The following FBH1 variants were observed in gnomAD, a reference collection of about 807,000 sequenced individuals.
The protein encoded by FBH1 is DNA 3'-5' helicase 1.
A neutral mutation model predicts 115.5 loss-of-function variants in FBH1; 43 were observed. The observed-to-expected ratio is 0.37, with a 90% CI of 0.29 to 0.48. FBH1 has a LOEUF of 0.48. Among genes scored for constraint, FBH1 ranks in the 20% least tolerant of loss-of-function variants. FBH1 has a pLI of 0.99. For synonymous variants in FBH1, 524 were observed against 507.8 expected (o/e 1.03, Z -0.43); for missense variants, 1,001 against 1,337.3 (o/e 0.75, Z 3.92).
rs1831507580 is a variant in FBH1 at position 5,910,396 on chromosome 10, A to G, written c.1021-542A>G. 1.3e-5 allele frequency among the ~76,000 whole-genome samples: 2 copies of G among 152,328 alleles called. No homozygotes were observed. Among genetic ancestry groups the G allele is most frequent in the South Asian group, 4.1e-4 (2 of 4,828 alleles). ...TGTCTTCACAAAATAAACTTTCCAT[A>G]ATTTCATATTTATTTAACTTACAAT... On this transcript the variant is annotated intron_variant, in intron 5 of 20. Coordinates refer to ENST00000362091, the MANE Select transcript of FBH1 (RefSeq NM_178150.3). The surrounding 1 kb of genome is among the most constrained non-coding windows in gnomAD (Gnocchi z 4.8).
intron 1 of FBH1, among the ~76,000 whole-genome samples, chr10:5,892,733 C>T (rs1479284419): frequency 1.3e-5 from 2 of 152,244 alleles, no homozygotes; most frequent in Admixed American, 1.3e-4. Context: ...TATTCCTTAA[C>T]ATGGTTAATG....
Position 5,906,696 on chromosome 10 carries a change from C to A in FBH1, c.753+64C>A. The A allele has an allele frequency of 1.6e-6, 2 of 1,285,942 alleles. No homozygotes were observed. The highest frequency in any genetic ancestry group is 2.2e-6 in the Non-Finnish European group (2 of 925,586). The allele number at this position is 1,285,942 out of a possible 1,614,324, so 79.7% of individuals were successfully genotyped here. ...AGCACGTAACTTTGCTTAATGCACG[C>A]TTATAATCAGAGGATCTTTTCAGAA... On this transcript the variant is annotated intron_variant, in intron 3 of 20. Transcript: ENST00000362091. The surrounding 1 kb of genome is among the most constrained non-coding windows in gnomAD (Gnocchi z 7.3).
rs897168987 is a variant in FBH1, at chr10:5,890,326, G to A, written c.-20G>A. 1.1e-5 allele frequency: 4 copies of A among 377,270 alleles called. No individual in the cohort carries two copies. The Admixed American group carries it at 1.4e-4, about 13-fold the overall frequency. The allele number at this position is 377,270 out of a possible 1,614,324, so 23.4% of individuals were successfully genotyped here. ...CGGGCCCGGCGGCGGCGGCAGCGGG[G>A]TCCGGGTCCGGAGCGCCACAGTGCG... On this transcript the variant is annotated 5_prime_UTR_variant, in exon 1 of 21. Coordinates refer to ENST00000362091, the MANE Select transcript of FBH1 (RefSeq NM_178150.3).
intron 18 of FBH1, 34 bp from the exon 19 acceptor site, chr10:5,927,401 T>G: frequency 6.6e-7 from 1 of 1,512,370 alleles, no homozygotes. Flanking sequence ...TCTAAGGCTT[T>G]TTAGTTGATT....
In FBH1 at chr10:5,913,131, T is replaced by C. The variant is rs1831710249; in HGVS notation, c.1212-616T>C. 6.6e-6 allele frequency among the ~76,000 whole-genome samples: 1 copy of C among 152,116 alleles called. No individual in the cohort carries two copies. The highest frequency in any genetic ancestry group is 2.4e-5 in the African/African-American group (1 of 41,422). ...GTGTGCCAGCTGAGTCTGACGAGTC[T>C]GACGATGTCCTGTGCCTCTGCTGAT... On this transcript the variant is annotated intron_variant, in intron 6 of 20. Transcript: ENST00000362091. The surrounding 1 kb of genome is among the most constrained non-coding windows in gnomAD (Gnocchi z 4.4).
rs1832407138 is a variant in FBH1 at position 5,923,092 on chromosome 10, A to G, written c.2323-529A>G. ...GAGACGGGGTTTCACCATGTTGGCC[A>G]GGCTGGTCTTGAACTCCTGGCCTCA... On this transcript the variant is annotated intron_variant, in intron 15 of 20. Transcript: ENST00000362091. This position sits in a 1 kb window ranked among gnomAD's most constrained non-coding sequence, Gnocchi z 5.7. 6.6e-6 allele frequency among the ~76,000 whole-genome samples: 1 copy of G among 152,180 alleles called. No individual in the cohort carries two copies. The highest frequency in any genetic ancestry group is 1.5e-5 in the Non-Finnish European group (1 of 68,038).
At position 5,900,311 on chromosome 10, in the gene FBH1, A is replaced by G. The variant is rs1408931965; in HGVS notation, c.2-2709A>G. On this transcript the variant is annotated intron_variant, in intron 1 of 20. Transcript: ENST00000362091. The surrounding 1 kb of genome is among the most constrained non-coding windows in gnomAD (Gnocchi z 4.2). ...TTCTCATCTGTTCCTGATGACACTT[A>G]TCAGACTTAGATGAGATTGGGCGCG... 6.6e-6 allele frequency among the ~76,000 whole-genome samples: 1 copy of G among 152,218 alleles called. No individual in the cohort carries two copies. Among genetic ancestry groups the G allele is most frequent in the Non-Finnish European group, 1.5e-5 (1 of 68,044 alleles).
At chr10:5,929,362 A>G (rs1832838880) in intron 19 of FBH1, 2 of 152,244 alleles carry the variant, frequency 1.3e-5, no homozygotes, top group South Asian at 4.1e-4. Context: ...CTCCTTTGTC[A>G]TTTTTCCTCC....
At chr10:5,890,842 G>C (rs1009504127) in intron 1 of FBH1, among the ~76,000 whole-genome samples, 1 of 152,242 alleles carries the variant, frequency 6.6e-6, no homozygotes, top group Non-Finnish European at 1.5e-5. Flanking sequence ...GGCACGGCGA[G>C]AGCTGGGCAG....
intron 1 of FBH1, among the ~76,000 whole-genome samples, chr10:5,902,463 C>T (rs1843404958): frequency 6.6e-6 from 1 of 152,008 alleles, no homozygotes; most frequent in Non-Finnish European, 1.5e-5. Flanking sequence ...AGATGCCAAA[C>T]CTCAGTATAT....
chr10:5,926,289 T>C (rs766225799), intron 18 of FBH1, among the ~76,000 whole-genome samples: 3 of 152,140 alleles, frequency 2.0e-5, no homozygotes, highest in Non-Finnish European at 4.4e-5. Context: ...AATTTTTGTA[T>C]TTTTAGTAGA....
chr10:5,895,232 A>G lies in FBH1; in HGVS notation c.1+4886A>G, dbSNP rs377389822. 8 of 1,578,872 alleles carry G rather than the reference A, an allele frequency of 5.1e-6. No individual in the cohort carries two copies. In the South Asian group the frequency reaches 5.7e-5, roughly 11 times the overall value. ...CTGACCAGGGCGGTTAGCTGACTCCAAAATTGTCCAGATTAGCAAAACTGC... is the reference window on the plus strand; with the variant it reads ...CTGACCAGGGCGGTTAGCTGACTCCGAAATTGTCCAGATTAGCAAAACTGC... On this transcript the variant is annotated intron_variant, in intron 1 of 20. Coordinates refer to ENST00000362091, the MANE Select transcript of FBH1 (RefSeq NM_178150.3). The surrounding 1 kb of genome is among the most constrained non-coding windows in gnomAD (Gnocchi z 5.0).
intron 15 of FBH1, among the ~76,000 whole-genome samples, chr10:5,922,842 C>G (rs1175025218): frequency 1.3e-5 from 2 of 152,182 alleles, no homozygotes; most frequent in Non-Finnish European, 2.9e-5. Context: ...CCTCCAGGAG[C>G]TGACCTGTTA....
rs754379786 is a variant in FBH1 at position 5,937,223 on chromosome 10, C to T, written c.3075C>T (p.Arg1025=). 5 of 1,613,836 alleles carry T rather than the reference C, an allele frequency of 3.1e-6. No homozygotes were observed. In the South Asian group the frequency reaches 5.5e-5, roughly 18 times the overall value. ...CGGAGCAGGTGCGCGCCATGGAGCG[C>T]ACTGTGGAGAACATCGTACTGCCCC... ...ASPEQVRAME[R]TVENIVLPRH... is the part of the protein sequence containing the mutation. The change falls in exon 21 of 21, where the codon CGC becomes CGT. Residue 1025 remains arginine, a synonymous_variant. Coordinates refer to ENST00000362091, the MANE Select transcript of FBH1 (RefSeq NM_178150.3).
Position 5,931,226 on chromosome 10 carries a change from G to A in FBH1, c.2829+3685G>A, listed in dbSNP as rs1832953497. Among the ~76,000 whole-genome samples, 1 of 152,214 alleles carries A rather than the reference G, an allele frequency of 6.6e-6. No homozygotes were observed. Among genetic ancestry groups the A allele is most frequent in the African/African-American group, 2.4e-5 (1 of 41,452 alleles). On this transcript the variant is annotated intron_variant, in intron 19 of 20. Transcript: ENST00000362091. This position sits in a 1 kb window ranked among gnomAD's most constrained non-coding sequence, Gnocchi z 4.3. ...CTAGCACCCTCCCTCCTTTCTGAGG[G>A]TAACTGCCATCTCAGCAGATACGCA...
Position 5,936,893 on chromosome 10 carries a change from A to G in FBH1, c.2962-217A>G, listed in dbSNP as rs2132171458. ...TTGGTTCTTTATCTTGACTGGATAA[A>G]TGACTGTTTCTGAGCTCAGGGAATT... On this transcript the variant is annotated intron_variant, in intron 20 of 20. Transcript: ENST00000362091. This position sits in a 1 kb window ranked among gnomAD's most constrained non-coding sequence, Gnocchi z 5.6. 1 of 614,096 alleles carries G rather than the reference A, an allele frequency of 1.6e-6. No homozygotes were observed. 38.0% of individuals were successfully genotyped at this position (614,096 alleles called of 1,614,324 possible).
Position 5,925,242 on chromosome 10 carries a change from C to A in FBH1, c.2597-125C>A. On this transcript the variant is annotated intron_variant, in intron 17 of 20. Coordinates refer to ENST00000362091, the MANE Select transcript of FBH1 (RefSeq NM_178150.3). The surrounding 1 kb of genome is among the most constrained non-coding windows in gnomAD (Gnocchi z 4.6). ...AGTTGTTTCCTCTTTCCCCCTTTTC[C>A]TACAAAACTGCACTGAGGCAAGAAA... 8.6e-7 allele frequency: 1 copy of A among 1,164,944 alleles called. No homozygotes were observed. Among genetic ancestry groups the A allele is most frequent in the Non-Finnish European group, 1.2e-6 (1 of 827,406 alleles). The allele number at this position is 1,164,944 out of a possible 1,614,324, so 72.2% of individuals were successfully genotyped here. A position where few individuals can be genotyped will look rare whatever the true frequency, so the allele number is the denominator to read the frequency against.
In FBH1 at chr10:5,911,995, C is replaced by G. The variant is rs1402782038; in HGVS notation, c.1211+867C>G. The stretch of plus-strand genomic sequence containing the variant: ...GAGGAAGAGAAAAAGTGCAGTGTGG[C>G]AAGGGTGGGAGGGAACACAAGATTG... On this transcript the variant is annotated intron_variant, in intron 6 of 20. Coordinates refer to ENST00000362091, the MANE Select transcript of FBH1 (RefSeq NM_178150.3). The surrounding 1 kb of genome is among the most constrained non-coding windows in gnomAD (Gnocchi z 5.4). Among the ~76,000 whole-genome samples the G allele has an allele frequency of 6.6e-6, 1 of 151,952 alleles. No individual in the cohort carries two copies. Among genetic ancestry groups the G allele is most frequent in the Non-Finnish European group, 1.5e-5 (1 of 67,990 alleles).
rs1267225889 is a variant in FBH1 at position 5,916,414 on chromosome 10, C to T, written c.1746C>T (p.Asn582=). 6.2e-7 allele frequency: 1 copy of T among 1,613,642 alleles called. No individual in the cohort carries two copies. Among genetic ancestry groups the T allele is most frequent in the Non-Finnish European group, 8.5e-7 (1 of 1,179,910 alleles). ...ATCACGTGCCTATTTGGTGTAAGAA[C>T]AGCCAAGGACAGAGAGTCATGGTTG... ...TIDHVPIWCK[N]SQGQRVMVEQ... Residue 582 remains asparagine (N), a synonymous_variant, in exon 10 of 21, where the codon AAC becomes AAT. Transcript: ENST00000362091.
Sources: gnomAD v4.1 joint callset for allele counts (sites outside exome capture counted in the v4.1 genomes callset) on GRCh38, gnomAD v4.1.1 for gene constraint, Gnocchi (gnomAD v3.1) non-coding constraint, MANE v1.5 for transcripts, NCBI Gene and HGNC (gene_info 2026-07-23, HGNC 2026-07-21) for gene names.